Variants in PADI1 observed in about 807,000 individuals in gnomAD.
PADI1 encodes protein-arginine deiminase type-1.
Under a neutral mutation model 74.8 loss-of-function variants are expected in PADI1, and 65 were observed. The observed-to-expected ratio is 0.87, with a 90% CI of 0.71 to 1.07. The LOEUF is 1.07. Among genes scored for constraint, PADI1 ranks in the 50% least tolerant of loss-of-function variants. PADI1 has a pLI of 0.00. For missense variants in PADI1, 943 were observed against 854.0 expected (o/e 1.10, Z -1.30); for synonymous variants, 371 against 336.2 (o/e 1.10, Z -1.13).
chr1:17,232,854 G>A lies in PADI1; in HGVS notation c.1197G>A (p.Pro399=), dbSNP rs758979096. Residue 399 remains proline, a synonymous_variant, in exon 11 of 16, where the codon CCG becomes CCA. Transcript: ENST00000375471. ...TTGGATATGTTACCCGGGAGATCCCGCTCCCTGGTCCCTCCAGCCTTGACT... is the reference window on the plus strand; with the variant it reads ...TTGGATATGTTACCCGGGAGATCCCACTCCCTGGTCCCTCCAGCCTTGACT... ...PDFGYVTREI[P]LPGPSSLDSF... The A allele has an allele frequency of 3.1e-5, 50 of 1,612,876 alleles. No individual in the cohort carries two copies. In the Admixed American group the frequency reaches 7.5e-4, roughly 24 times the overall value.
intron 2 of PADI1, 180 bp from the exon 3 acceptor site, chr1:17,223,441 C>A: frequency 1.7e-6 from 1 of 594,350 alleles, no homozygotes; most frequent in South Asian, 2.0e-5. Context: ...CAGCCACTTG[C>A]TGGAGAAGGT....
intron 11 of PADI1, among the ~76,000 whole-genome samples, chr1:17,234,200 A>G (rs137923105): frequency 1.1e-3 from 168 of 152,384 alleles, no homozygotes; most frequent in Middle Eastern, 3.4e-3. Flanking sequence ...TAGGTACTCA[A>G]TTAATTCACT....
chr1:17,235,846 C>T (rs954277068), intron 11 of PADI1, among the ~76,000 whole-genome samples: 1 of 152,170 alleles, frequency 6.6e-6, no homozygotes, highest in South Asian at 2.1e-4. Context: ...AGCCAGGAAC[C>T]TTCTCTCAAG....
In PADI1 at chr1:17,230,599, G is replaced by A; in HGVS notation, c.1081G>A (p.Ala361Thr). 1 of 1,611,980 alleles carries A rather than the reference G, an allele frequency of 6.2e-7. No individual in the cohort carries two copies. Among genetic ancestry groups the A allele is most frequent in the South Asian group, 1.1e-5 (1 of 90,800 alleles). ...CGAGATGGAGTTTGGCTACATCGAGGCCCCTCACAAATCCTTCCCCGTGGT... is the reference window on the plus strand; with the variant it reads ...CGAGATGGAGTTTGGCTACATCGAGACCCCTCACAAATCCTTCCCCGTGGT... ...QDEMEFGYIEAPHKSFPVVFD... is the reference protein window; with the variant it reads ...QDEMEFGYIETPHKSFPVVFD... The change falls in exon 10 of 16, where the codon GCC becomes ACC. Residue 361 changes from alanine (A) to threonine (T), a missense_variant. Coordinates refer to ENST00000375471, the MANE Select transcript of PADI1 (RefSeq NM_013358.3).
chr1:17,212,609 C>T (rs2071863716), intron 1 of PADI1, among the ~76,000 whole-genome samples: 1 of 152,052 alleles, frequency 6.6e-6, no homozygotes, highest in Non-Finnish European at 1.5e-5. Context: ...CCCAGTGGGC[C>T]GAGGCTTCTG....
At chr1:17,225,472 G>T (rs1357673735) in intron 4 of PADI1, among the ~76,000 whole-genome samples, 1 of 152,160 alleles carries the variant, frequency 6.6e-6, no homozygotes, top group African/African-American at 2.4e-5. Context: ...GTCATGGCAG[G>T]CAGCCTCTGC....
In PADI1 at chr1:17,205,230, A is replaced by T; in HGVS notation, c.13A>T (p.Arg5Ter). The change falls in exon 1 of 16, where the codon AGA becomes TGA. Residue 5 changes from arginine (R) to a stop codon, truncating the protein, a stop_gained. Coordinates refer to ENST00000375471, the MANE Select transcript of PADI1 (RefSeq NM_013358.3). LOFTEE classifies it high-confidence loss of function. The part of the protein sequence containing the change: MAPK[R>*]VVQLSLKMPT... ...GCCAGGTGACAGGATGGCCCCAAAGAGAGTTGTGCAGCTGTCCCTGAAGAT... is the reference window on the plus strand; with the variant it reads ...GCCAGGTGACAGGATGGCCCCAAAGTGAGTTGTGCAGCTGTCCCTGAAGAT... 1 of 1,613,908 alleles carries T rather than the reference A, an allele frequency of 6.2e-7. No homozygotes were observed. Among genetic ancestry groups the T allele is most frequent in the Non-Finnish European group, 8.5e-7 (1 of 1,179,938 alleles).
chr1:17,223,368 C>T (rs1045853723), intron 2 of PADI1: 1 of 506,628 alleles, frequency 2.0e-6, no homozygotes. Context: ...CTTTCCCATC[C>T]CTCCACCTTT....
rs772421417 is a variant in PADI1 at position 17,237,402 on chromosome 1, C to G, written c.1402C>G (p.Leu468Val). ...ACCCGTGGAGCTCTACTCGGACTGGCTCTCTGTGGGCCATGTGGACGAGTT... is the reference window on the plus strand; with the variant it reads ...ACCCGTGGAGCTCTACTCGGACTGGGTCTCTGTGGGCCATGTGGACGAGTT... ...QAPVELYSDW[L>V]SVGHVDEFLT... Residue 468 changes from leucine (L) to valine (V), a missense_variant, in exon 12 of 16, where the codon CTC becomes GTC. Coordinates refer to ENST00000375471, the MANE Select transcript of PADI1 (RefSeq NM_013358.3). 1.2e-6 allele frequency: 2 copies of G among 1,613,808 alleles called. No individual in the cohort carries two copies. Among genetic ancestry groups the G allele is most frequent in the South Asian group, 2.2e-5 (2 of 91,016 alleles).
chr1:17,239,521 G>T (rs2072727333), intron 13 of PADI1, 183 bp from the exon 14 acceptor site: 1 of 564,124 alleles, frequency 1.8e-6, no homozygotes, highest in Non-Finnish European at 3.2e-6. Context: ...CCATCACCAG[G>T]TTTTCCTTGC....
rs972709394 is a variant in PADI1 at position 17,213,409 on chromosome 1, C to T, written c.92+8100C>T. ...CTTCAACAGACAGATAAACATCGTC[C>T]TATAAAATCCCCAGCAAGTCTTTGT... On this transcript the variant is annotated intron_variant, in intron 1 of 15. Coordinates refer to ENST00000375471, the MANE Select transcript of PADI1 (RefSeq NM_013358.3). Among the ~76,000 whole-genome samples the T allele has an allele frequency of 1.5e-4, 23 of 152,292 alleles. 1 individual carries two copies. Among genetic ancestry groups the T allele is most frequent in the Admixed American group, 1.3e-3 (20 of 15,298 alleles).
In PADI1 at chr1:17,235,293, G is replaced by GGGAAGAAAGGAAGGAAGGAA. The variant is rs1446975480; in HGVS notation, c.1314-2016_1314-2015insAAAGGAAGGAAGGAAGGAAG. ...AAGGAAGGAAGGAAGGAAGGAAGGA[G>GGGAAGAAAGGAAGGAAGGAA]GGAAGGAAGGAAGGAGGCAAAGTAG... On this transcript the variant is annotated intron_variant, in intron 11 of 15. Coordinates refer to ENST00000375471, the MANE Select transcript of PADI1 (RefSeq NM_013358.3). Among the ~76,000 whole-genome samples, 85 of 62,858 alleles carry GGGAAGAAAGGAAGGAAGGAA rather than the reference G, an allele frequency of 1.4e-3. 3 individuals are homozygous for GGGAAGAAAGGAAGGAAGGAA. The highest frequency in any genetic ancestry group is 5.0e-3 in the African/African-American group (84 of 16,860). The allele number at this position is 62,858 out of a possible 152,430, so 41.2% of individuals were successfully genotyped here.
chr1:17,239,974 C>T, intron 14 of PADI1, 191 bp downstream of exon 14: 1 of 578,224 alleles, frequency 1.7e-6, no homozygotes, highest in Non-Finnish European at 3.1e-6. Flanking sequence ...AGAGCCATGC[C>T]CTCAGAGAGC....
chr1:17,221,157 C>T (rs1230164456), intron 1 of PADI1, among the ~76,000 whole-genome samples: 1 of 152,016 alleles, frequency 6.6e-6, no homozygotes, highest in East Asian at 1.9e-4. Context: ...TTCTAGATCT[C>T]CACTCAAGTG....
intron 1 of PADI1, among the ~76,000 whole-genome samples, chr1:17,206,345 C>T (rs575000358): frequency 1.3e-5 from 2 of 152,322 alleles, no homozygotes; most frequent in East Asian, 1.9e-4. Context: ...GCTCGAGAAG[C>T]CCTTCCTGCT....
At chr1:17,210,951 C>A (rs999464959) in intron 1 of PADI1, among the ~76,000 whole-genome samples, 1 of 152,184 alleles carries the variant, frequency 6.6e-6, no homozygotes, top group Non-Finnish European at 1.5e-5. Flanking sequence ...TTCTGGCACT[C>A]GGTGATGATA....
At chr1:17,235,216 GGGAA>G (rs1327610556) in intron 11 of PADI1, among the ~76,000 whole-genome samples, 25 of 123,596 alleles carry the variant, frequency 2.0e-4, no homozygotes, top group African/African-American at 4.7e-4. Flanking sequence ...GAGGGAGGAA[GGGAA>G]GGAAGGAAGG....
rs1438777373 is a variant in PADI1, at chr1:17,240,690, G to A, written c.1688G>A (p.Ser563Asn). ...VLKRELGLAE[S>N]DIVDIPQLFF... is the part of the protein sequence containing the mutation. ...AAGCGGGAGCTGGGCCTGGCAGAGA[G>A]TGACATCGTGGACATTCCCCAGCTC... is the stretch of plus-strand genomic sequence containing the variant. The change falls in exon 15 of 16, where the codon AGT (serine) becomes AAT (asparagine). Residue 563 changes from serine to asparagine, a missense_variant. Transcript: ENST00000375471. 2 of 1,614,110 alleles carry A rather than the reference G, an allele frequency of 1.2e-6. No homozygotes were observed. The highest frequency in any genetic ancestry group is 1.7e-5 in the Admixed American group (1 of 60,028).
chr1:17,211,306 T>C (rs1396867224), intron 1 of PADI1, among the ~76,000 whole-genome samples: 1 of 152,074 alleles, frequency 6.6e-6, no homozygotes, highest in African/African-American at 2.4e-5. Flanking sequence ...GCCTCCCAGG[T>C]TGAAGCAATT....
Sources: allele counts gnomAD v4.1 joint callset (sites outside exome capture counted in the v4.1 genomes callset), GRCh38; gene constraint gnomAD v4.1.1; transcripts MANE v1.5; gene names NCBI Gene and HGNC (gene_info 2026-07-23, HGNC 2026-07-21).